The following GABRA4 variants were observed in gnomAD, a reference collection of about 807,000 sequenced individuals.
The protein encoded by GABRA4 is gamma-aminobutyric acid receptor subunit alpha-4.
Under a neutral mutation model 49.7 loss-of-function variants are expected in GABRA4, and 12 were observed. The ratio of observed to expected loss-of-function variants is 0.24; its 90% CI spans 0.15 to 0.39. The LOEUF is 0.39. Among genes scored for constraint, GABRA4 ranks in the 10% least tolerant of loss-of-function variants. The pLI, the probability that GABRA4 is intolerant of heterozygous loss-of-function variation, is 1.00. For missense variants in GABRA4, 506 were observed against 686.0 expected, an observed-to-expected ratio of 0.74 and a Z score of 2.93; for synonymous variants, 288 against 240.2, an observed-to-expected ratio of 1.20 and a Z score of -1.84.
chr4:46,936,913 A>G (rs1473605079), intron 8 of GABRA4, among the ~76,000 whole-genome samples: 1 of 152,192 alleles, frequency 6.6e-6, no homozygotes, highest in Non-Finnish European at 1.5e-5. Flanking sequence ...AGCCCACCAG[A>G]CTAGGGATGG....
intron 2 of GABRA4, among the ~76,000 whole-genome samples, chr4:46,990,003 G>T (rs1475931603): frequency 6.6e-6 from 1 of 152,184 alleles, no homozygotes; most frequent in African/African-American, 2.4e-5. Context: ...CACATTTTCT[G>T]CAGGTGAGAA....
chr4:46,927,024 T>C lies in GABRA4; in HGVS notation c.*1201A>G, dbSNP rs1211925792. The C allele has an allele frequency of 6.6e-6, 1 of 151,976 alleles. No homozygotes were observed. The highest frequency in any genetic ancestry group is 1.5e-5 in the Non-Finnish European group (1 of 67,920). The allele number at this position is 151,976 out of a possible 1,614,324, so 9.4% of individuals were successfully genotyped here. A position where few individuals can be genotyped will look rare whatever the true frequency, so the allele number is the denominator to read the frequency against. ...CTTCAAAATTTAGCATTTCACTAGC[T>C]AATATCTAGATCTATCTTGGGGAAA... On this transcript the variant is annotated 3_prime_UTR_variant, in exon 9 of 9. Coordinates refer to ENST00000264318, the MANE Select transcript of GABRA4 (RefSeq NM_000809.4).
intron 7 of GABRA4, among the ~76,000 whole-genome samples, chr4:46,968,897 A>G (rs1050959040): frequency 1.3e-5 from 2 of 151,692 alleles, no homozygotes; most frequent in Non-Finnish European, 3.0e-5. Context: ...AGACAGTCAC[A>G]TTAACCTATC....
chr4:46,980,185 G>T (rs554374214), intron 2 of GABRA4, among the ~76,000 whole-genome samples: 1 of 152,122 alleles, frequency 6.6e-6, no homozygotes, highest in African/African-American at 2.4e-5. Context: ...TCATTACTAT[G>T]CATAATACAG....
chr4:46,989,149 C>A (rs1417995516), intron 2 of GABRA4, among the ~76,000 whole-genome samples: 1 of 152,134 alleles, frequency 6.6e-6, no homozygotes, highest in Admixed American at 6.5e-5. Context: ...TCATATGCCT[C>A]AAAAGATTGA....
rs1364291310 is a variant in GABRA4, at chr4:46,925,707, A to AAAC, written c.*2515_*2517dup. 2 of 141,976 alleles carry AAAC rather than the reference A, an allele frequency of 1.4e-5. No individual in the cohort carries two copies. The highest frequency in any genetic ancestry group is 2.1e-4 in the East Asian group (1 of 4,876). 8.8% of individuals were successfully genotyped at this position (141,976 alleles called of 1,614,324 possible). A position where few individuals can be genotyped will look rare whatever the true frequency, so the allele number is the denominator to read the frequency against. ...TTGATGAAATTCAGTTAAGGAAAGCAAACAACATATTATTATTATTATTAT... is the reference window on the plus strand; with the variant it reads ...TTGATGAAATTCAGTTAAGGAAAGCAAACAACAACATATTATTATTATTATTAT... On this transcript the variant is annotated 3_prime_UTR_variant, in exon 9 of 9. Coordinates refer to ENST00000264318, the MANE Select transcript of GABRA4 (RefSeq NM_000809.4).
intron 8 of GABRA4, among the ~76,000 whole-genome samples, chr4:46,942,615 A>G (rs1246215821): frequency 6.9e-6 from 1 of 145,408 alleles, no homozygotes; most frequent in Non-Finnish European, 1.5e-5. Context: ...ACAGAGTGAG[A>G]CTCTGTCTCA....
At chr4:46,963,693 A>G (rs1214189938) in intron 8 of GABRA4, among the ~76,000 whole-genome samples, 1 of 151,846 alleles carries the variant, frequency 6.6e-6, no homozygotes, top group African/African-American at 2.4e-5. Flanking sequence ...GTAAACAGAT[A>G]TAGGTAAAGG....
At chr4:46,941,723 C>A (rs1482950629) in intron 8 of GABRA4, among the ~76,000 whole-genome samples, 1 of 152,044 alleles carries the variant, frequency 6.6e-6, no homozygotes, top group African/African-American at 2.4e-5. Context: ...GTTCAAAATT[C>A]ATTTTATTTA....
At chr4:46,986,524 G>A (rs1577796873) in intron 2 of GABRA4, among the ~76,000 whole-genome samples, 1 of 151,738 alleles carries the variant, frequency 6.6e-6, no homozygotes, top group Admixed American at 6.6e-5. Context: ...GTCTTCTTGG[G>A]ACAAAGATTC....
intron 8 of GABRA4, among the ~76,000 whole-genome samples, chr4:46,936,908 A>G (rs771443274): frequency 6.6e-6 from 1 of 152,204 alleles, no homozygotes; most frequent in Non-Finnish European, 1.5e-5. Flanking sequence ...AGTGTAGCCC[A>G]CCAGACTAGG....
intron 8 of GABRA4, among the ~76,000 whole-genome samples, chr4:46,939,555 A>G (rs1224497034): frequency 6.6e-6 from 1 of 152,042 alleles, no homozygotes; most frequent in East Asian, 1.9e-4. Flanking sequence ...TCCCAAATAC[A>G]TACTCTTAAC....
intron 8 of GABRA4, among the ~76,000 whole-genome samples, chr4:46,957,686 G>A (rs973980708): frequency 1.3e-4 from 19 of 151,818 alleles, no homozygotes; most frequent in Admixed American, 9.2e-4. Context: ...ATCTATCTCA[G>A]CCTCCATTTC....
At position 46,928,310 on chromosome 4, in the gene GABRA4, G is replaced by A. The variant is rs1721305831; in HGVS notation, c.1580C>T (p.Pro527Leu). 1 of 1,613,340 alleles carries A rather than the reference G, an allele frequency of 6.2e-7. No individual in the cohort carries two copies. The highest frequency in any genetic ancestry group is 1.3e-5 in the African/African-American group (1 of 74,878). ...CATGTTAAATGCCCCAAATGTGACT[G>A]GAAAGAGAATACGGGCATATTTGTC... ...KIDKYARILF[P>L]VTFGAFNMVY... The change falls in exon 9 of 9, where the codon CCA (proline) becomes CTA (leucine). Residue 527 changes from proline (P) to leucine (L), a missense_variant. Physicochemically the swap from Pro to Leu is moderately conservative, Grantham distance 98. Transcript: ENST00000264318.
At chr4:46,976,354 C>CAAAAAAAA (rs71193888) in intron 5 of GABRA4, among the ~76,000 whole-genome samples, 2 of 51,762 alleles carry the variant, frequency 3.9e-5, no homozygotes, top group Non-Finnish European at 3.5e-5. Flanking sequence ...CACCCATTCT[C>CAAAAAAAA]AAAAAAAAAA....
intron 5 of GABRA4, among the ~76,000 whole-genome samples, chr4:46,975,167 C>T (rs369441121): frequency 9.2e-5 from 14 of 151,980 alleles, no homozygotes; most frequent in African/African-American, 3.4e-4. Context: ...TTCAAAAGAA[C>T]CAAAATGAAT....
intron 2 of GABRA4, among the ~76,000 whole-genome samples, chr4:46,983,094 A>G (rs1240342190): frequency 6.6e-6 from 1 of 152,082 alleles, no homozygotes; most frequent in Non-Finnish European, 1.5e-5. Flanking sequence ...GGATCTGGAA[A>G]CTGAGTTCAC....
chr4:46,930,750 G>C (rs1721399561), intron 8 of GABRA4, among the ~76,000 whole-genome samples: 2 of 151,514 alleles, frequency 1.3e-5, no homozygotes. Context: ...CTAAGGACTG[G>C]AGACTTTCCC....
At chr4:46,947,875 T>G (rs539044745) in intron 8 of GABRA4, among the ~76,000 whole-genome samples, 6 of 152,236 alleles carry the variant, frequency 3.9e-5, no homozygotes, top group Admixed American at 3.3e-4. Flanking sequence ...GGAGGCTGGC[T>G]GGACTCAGGT....
Sources: allele counts gnomAD v4.1 joint callset (sites outside exome capture counted in the v4.1 genomes callset), GRCh38; gene constraint gnomAD v4.1.1; transcripts MANE v1.5; gene names NCBI Gene and HGNC (gene_info 2026-07-23, HGNC 2026-07-21).